Variants in GRIN2A observed in about 807,000 individuals in gnomAD.
The protein encoded by GRIN2A is glutamate ionotropic receptor NMDA type subunit 2A, also known as glutamate receptor ionotropic, NMDA 2A.
Under a neutral mutation model 113.4 loss-of-function variants are expected in GRIN2A, and 22 were observed. The observed-to-expected ratio is 0.19, with a 90% CI of 0.14 to 0.28. The LOEUF (loss-of-function observed/expected upper bound fraction) is 0.28, where lower values mean the gene tolerates loss of function less well. Among genes scored for constraint, GRIN2A ranks in the 10% least tolerant of loss-of-function variants. GRIN2A has a pLI of 1.00. For missense variants in GRIN2A, 1,502 were observed against 1,887.0 expected (o/e 0.80, Z 3.78); for synonymous variants, 827 against 738.4 (o/e 1.12, Z -1.94).
chr16:9,937,869 C>T (rs1028913043), intron 3 of GRIN2A, 90 bp downstream of exon 3: 9 of 881,580 alleles, frequency 1.0e-5, no homozygotes, highest in African/African-American at 1.6e-5. Context: ...ATTTTCAGTG[C>T]GTATTTCCAA....
intron 2 of GRIN2A, among the ~76,000 whole-genome samples, chr16:10,036,362 C>A (rs529269613): frequency 6.7e-6 from 1 of 149,508 alleles, no homozygotes; most frequent in Non-Finnish European, 1.5e-5. Context: ...TTTCTTCCAG[C>A]TTCTGGTAGC....
intron 4 of GRIN2A, among the ~76,000 whole-genome samples, chr16:9,851,120 G>T (rs1009562064): frequency 3.3e-5 from 5 of 152,166 alleles, no homozygotes; most frequent in African/African-American, 1.2e-4. Context: ...CCCTTAAAGA[G>T]AATTCAAACA....
intron 2 of GRIN2A, among the ~76,000 whole-genome samples, chr16:9,979,858 T>C (rs2045858020): frequency 6.7e-6 from 1 of 148,554 alleles, no homozygotes; most frequent in Non-Finnish European, 1.5e-5. Context: ...TGTGTGTGTG[T>C]GTGTGTGTGT....
chr16:10,168,454 G>C (rs1596573520), intron 2 of GRIN2A, among the ~76,000 whole-genome samples: 1 of 152,128 alleles, frequency 6.6e-6, no homozygotes, highest in African/African-American at 2.4e-5. Context: ...TCAAGGATTT[G>C]AGAGGTACAG....
chr16:9,964,864 G>A (rs948288950), intron 2 of GRIN2A, among the ~76,000 whole-genome samples: 3 of 152,174 alleles, frequency 2.0e-5, no homozygotes, highest in Non-Finnish European at 4.4e-5. Flanking sequence ...CATATTCACA[G>A]CATGGACATC....
intron 2 of GRIN2A, among the ~76,000 whole-genome samples, chr16:10,044,118 A>G (rs555128190): frequency 6.6e-6 from 1 of 150,840 alleles, no homozygotes; most frequent in Non-Finnish European, 1.5e-5. Context: ...CGGTGGCGCA[A>G]TCTCGGCTCA....
In GRIN2A at chr16:10,111,805, A is replaced by G. The variant is rs2048620144; in HGVS notation, c.414+68193T>C. 6 of 1,352,542 alleles carry G rather than the reference A, an allele frequency of 4.4e-6. No individual in the cohort carries two copies. The South Asian group carries it at 5.9e-5, about 13-fold the overall frequency. 83.8% of individuals were successfully genotyped at this position (1,352,542 alleles called of 1,614,324 possible). ...CAAGATCCGGCATGGCTTCTCTTGC[A>G]TCCTCATCACTGAGATGGGCACCAT... is the stretch of plus-strand genomic sequence containing the variant. On this transcript the variant is annotated intron_variant, in intron 2 of 12. Coordinates refer to ENST00000330684, the MANE Select transcript of GRIN2A (RefSeq NM_001134407.3).
At chr16:10,151,931 C>T (rs532714233) in intron 2 of GRIN2A, among the ~76,000 whole-genome samples, 1 of 152,326 alleles carries the variant, frequency 6.6e-6, no homozygotes, top group Admixed American at 6.5e-5. Context: ...GATATTCATT[C>T]AAACCAGCAG....
At chr16:10,112,183 A>G in intron 2 of GRIN2A, 6 of 584,286 alleles carry the variant, frequency 1.0e-5, no homozygotes. Flanking sequence ...GTAGGCATCA[A>G]CGTCATAGTC....
intron 2 of GRIN2A, among the ~76,000 whole-genome samples, chr16:10,081,504 C>T (rs941063520): frequency 1.3e-5 from 2 of 152,300 alleles, no homozygotes; most frequent in East Asian, 1.9e-4. Context: ...GATTAATGCT[C>T]TAAATTTTTT....
intron 3 of GRIN2A, among the ~76,000 whole-genome samples, chr16:9,920,630 G>C (rs963786299): frequency 7.3e-5 from 11 of 149,772 alleles, no homozygotes; most frequent in Non-Finnish European, 1.5e-4. Flanking sequence ...GCAGTGACAA[G>C]ATCTCGGCTC....
rs1900432559 is a variant in GRIN2A at position 9,758,094 on chromosome 16, C to G, written c.*5055G>C. The G allele has an allele frequency of 4.7e-6, 1 of 212,200 alleles. No individual in the cohort carries two copies. Among genetic ancestry groups the G allele is most frequent in the African/African-American group, 2.3e-5 (1 of 44,168 alleles). The allele number at this position is 212,200 out of a possible 1,614,324, so 13.1% of individuals were successfully genotyped here. On this transcript the variant is annotated 3_prime_UTR_variant, in exon 13 of 13. Coordinates refer to ENST00000330684, the MANE Select transcript of GRIN2A (RefSeq NM_001134407.3). ...CAGGCAACTGCCCATTTGTAAACTT[C>G]ATTTTTCTCATCTCTCCTCCCCTTC... is the stretch of plus-strand genomic sequence containing the variant.
chr16:9,948,594 C>T (rs572621418), intron 2 of GRIN2A, among the ~76,000 whole-genome samples: 49 of 152,320 alleles, frequency 3.2e-4, no homozygotes, highest in Non-Finnish European at 6.5e-4. Context: ...TTCTCACCAC[C>T]GTGTGTTTCC....
At chr16:9,933,066 G>A (rs1424458140) in intron 3 of GRIN2A, among the ~76,000 whole-genome samples, 1 of 152,192 alleles carries the variant, frequency 6.6e-6, no homozygotes, top group Non-Finnish European at 1.5e-5. Flanking sequence ...GCTTGGTGAA[G>A]GAACAGATGT....
intron 2 of GRIN2A, among the ~76,000 whole-genome samples, chr16:10,179,061 T>C (rs2050206667): frequency 6.6e-6 from 1 of 152,238 alleles, no homozygotes; most frequent in Admixed American, 6.5e-5. Flanking sequence ...CACTTCTGTG[T>C]AATTCCCAAA....
intron 2 of GRIN2A, among the ~76,000 whole-genome samples, chr16:10,052,920 C>A (rs1798664054): frequency 6.6e-6 from 1 of 152,046 alleles, no homozygotes; most frequent in Non-Finnish European, 1.5e-5. Flanking sequence ...CAGTGGCACA[C>A]TCCTGTAGTC....
chr16:9,795,547 C>G (rs1201481676), intron 11 of GRIN2A, among the ~76,000 whole-genome samples: 1 of 152,182 alleles, frequency 6.6e-6, no homozygotes, highest in Non-Finnish European at 1.5e-5. Context: ...TGAATTCTTT[C>G]TTGCATGAGA....
At chr16:10,098,859 C>T (rs1306829637) in intron 2 of GRIN2A, among the ~76,000 whole-genome samples, 4 of 151,966 alleles carry the variant, frequency 2.6e-5, no homozygotes, top group East Asian at 1.9e-4. Flanking sequence ...GTATACTGCT[C>T]GGGTGATGGG....
chr16:9,804,365 G>C (rs879696502), intron 10 of GRIN2A, among the ~76,000 whole-genome samples: 1 of 152,100 alleles, frequency 6.6e-6, no homozygotes, highest in Admixed American at 6.5e-5. Flanking sequence ...TTAGAACCAA[G>C]AGCATCCAAC....
Sources: gnomAD v4.1 joint callset for allele counts (sites outside exome capture counted in the v4.1 genomes callset) on GRCh38, gnomAD v4.1.1 for gene constraint, MANE v1.5 for transcripts, NCBI Gene and HGNC (gene_info 2026-07-23, HGNC 2026-07-21) for gene names.